The following CPQ variants were observed in gnomAD, a reference collection of about 807,000 sequenced individuals.
CPQ encodes Ser-Met dipeptidase.
CPQ carries 37 observed loss-of-function variants against 45.7 expected under a neutral mutation model. The ratio of observed to expected loss-of-function variants is 0.81; its 90% CI spans 0.62 to 1.07. The LOEUF (loss-of-function observed/expected upper bound fraction) is 1.07. Ranked by LOEUF, CPQ falls within the 50% of genes least tolerant of loss-of-function variation. The pLI, the probability that CPQ is intolerant of heterozygous loss-of-function variation, is 0.00. For missense variants in CPQ, 537 were observed against 572.9 expected (o/e 0.94, Z 0.64); for synonymous variants, 186 against 205.8 (o/e 0.90, Z 0.82).
At chr8:96,724,498 CA>C (rs1809809002) in intron 1 of CPQ, among the ~76,000 whole-genome samples, 2 of 150,366 alleles carry the variant, frequency 1.3e-5, no homozygotes, top group South Asian at 4.2e-4. Context: ...TAGACACACA[CA>C]CACACACACA....
chr8:97,029,443 T>A lies in CPQ; in HGVS notation c.1002T>A (p.Thr334=). Residue 334 remains threonine (T), a synonymous_variant, in exon 6 of 8, where the codon ACT becomes ACA. Coordinates refer to ENST00000220763, the MANE Select transcript of CPQ (RefSeq NM_016134.4). Reference sequence around the variant, plus strand: ...GGACTCTGCGGCTGGTGCTCTGGACTGCAGAAGAACAAGGTGGAGTTGGTG... The same window carrying A: ...GGACTCTGCGGCTGGTGCTCTGGACAGCAGAAGAACAAGGTGGAGTTGGTG... ...PKRTLRLVLW[T]AEEQGGVGAF... The A allele has an allele frequency of 6.2e-7, 1 of 1,609,628 alleles. No individual in the cohort carries two copies. Among genetic ancestry groups the A allele is most frequent in the Non-Finnish European group, 8.5e-7 (1 of 1,177,900 alleles).
chr8:96,880,814 A>G (rs1812214317), intron 4 of CPQ, among the ~76,000 whole-genome samples: 1 of 151,954 alleles, frequency 6.6e-6, no homozygotes, highest in Non-Finnish European at 1.5e-5. Flanking sequence ...TAAAAAAACT[A>G]CCTGTTGGGT....
chr8:97,003,578 A>G lies in CPQ; in HGVS notation c.962-25825A>G, dbSNP rs79204605. On this transcript the variant is annotated intron_variant, in intron 5 of 7. Transcript: ENST00000220763. ...CTAGATTTGCACTGTGAGGTTACCT[A>G]TGCTCCATTTCTCCAGTGGCCTGGT... Among the ~76,000 whole-genome samples the G allele has an allele frequency of 3.5e-3, 531 of 152,294 alleles. 3 individuals are homozygous for G. The highest frequency in any genetic ancestry group is 0.012 in the African/African-American group (514 of 41,562).
intron 1 of CPQ, among the ~76,000 whole-genome samples, chr8:96,689,334 GC>G (rs1809275092): frequency 6.6e-6 from 1 of 152,066 alleles, no homozygotes; most frequent in Non-Finnish European, 1.5e-5. Flanking sequence ...CAATTTTCTT[GC>G]CCCCTTGCTG....
At chr8:96,726,099 G>A (rs1809834549) in intron 1 of CPQ, among the ~76,000 whole-genome samples, 1 of 152,142 alleles carries the variant, frequency 6.6e-6, no homozygotes, top group Non-Finnish European at 1.5e-5. Flanking sequence ...AGTGGGTAGA[G>A]AGGCAGGGGG....
At chr8:96,933,813 G>GA (rs918117895) in intron 4 of CPQ, among the ~76,000 whole-genome samples, 5 of 148,886 alleles carry the variant, frequency 3.4e-5, no homozygotes, top group Admixed American at 6.6e-5. Context: ...TGATAGAGAA[G>GA]AAAAAAAAAT....
chr8:96,999,721 T>C (rs1468189054), intron 5 of CPQ, among the ~76,000 whole-genome samples: 1 of 152,064 alleles, frequency 6.6e-6, no homozygotes, highest in Non-Finnish European at 1.5e-5. Context: ...GTCTTTATAA[T>C]AGAATGATTT....
At chr8:96,789,334 CATTT>C (rs1810817055) in intron 2 of CPQ, among the ~76,000 whole-genome samples, 2 of 152,126 alleles carry the variant, frequency 1.3e-5, no homozygotes, top group Non-Finnish European at 2.9e-5. Flanking sequence ...CCTGGTCATT[CATTT>C]GTTTAATCGC....
chr8:96,880,518 C>CATATATATAT (rs200512558), intron 4 of CPQ, among the ~76,000 whole-genome samples: 3 of 97,338 alleles, frequency 3.1e-5, no homozygotes, highest in African/African-American at 8.3e-5. Context: ...AATATATGGT[C>CATATATATAT]ATATATATAT....
intron 4 of CPQ, among the ~76,000 whole-genome samples, chr8:96,932,803 C>G (rs1444656093): frequency 2.0e-5 from 3 of 152,170 alleles, no homozygotes; most frequent in East Asian, 3.9e-4. Flanking sequence ...CATTATCTTT[C>G]CAGCATCTAG....
chr8:96,935,159 G>T (rs138516805), intron 4 of CPQ, among the ~76,000 whole-genome samples: 1 of 152,112 alleles, frequency 6.6e-6, no homozygotes, highest in Non-Finnish European at 1.5e-5. Flanking sequence ...TCTCAGTGTG[G>T]CTTCATTCTC....
chr8:96,698,242 T>A (rs1809412195), intron 1 of CPQ, among the ~76,000 whole-genome samples: 1 of 152,018 alleles, frequency 6.6e-6, no homozygotes, highest in African/African-American at 2.4e-5. Context: ...GAACATATAT[T>A]GGGGAAAGAA....
intron 1 of CPQ, among the ~76,000 whole-genome samples, chr8:96,662,768 G>A (rs572359991): frequency 3.9e-5 from 6 of 152,098 alleles, no homozygotes; most frequent in Non-Finnish European, 7.4e-5. Context: ...CAGGCAGATC[G>A]CTTGAGCCCG....
intron 1 of CPQ, among the ~76,000 whole-genome samples, chr8:96,677,839 T>C (rs1809096183): frequency 6.6e-6 from 1 of 151,958 alleles, no homozygotes; most frequent in South Asian, 2.1e-4. Flanking sequence ...TTTGAGGTGA[T>C]TTTTATATAA....
At chr8:97,066,916 CTTTTTTTTTTTTTT>C (rs752150876) in intron 7 of CPQ, among the ~76,000 whole-genome samples, 4 of 60,398 alleles carry the variant, frequency 6.6e-5, no homozygotes, top group African/African-American at 1.7e-4. Context: ...CTGGAACAGT[CTTTTTTTTTTTTTT>C]TTTTTTTTTT....
chr8:97,121,937 G>A (rs929871975), intron 7 of CPQ, among the ~76,000 whole-genome samples: 3 of 152,082 alleles, frequency 2.0e-5, no homozygotes, highest in Admixed American at 1.3e-4. Context: ...AAAAGATAGT[G>A]ATAGAAGCAA....
chr8:96,838,632 C>G (rs1357068115), intron 3 of CPQ, among the ~76,000 whole-genome samples: 2 of 151,924 alleles, frequency 1.3e-5, no homozygotes, highest in African/African-American at 2.4e-5. Context: ...ACACTAGACT[C>G]TAAGTTCCAG....
At chr8:97,103,677 A>G (rs570207313) in intron 7 of CPQ, among the ~76,000 whole-genome samples, 18 of 152,326 alleles carry the variant, frequency 1.2e-4, no homozygotes, top group Non-Finnish European at 1.9e-4. Context: ...TATCTGAAAG[A>G]TGATCCCAGG....
intron 1 of CPQ, among the ~76,000 whole-genome samples, chr8:96,684,690 A>T (rs1441383303): frequency 6.6e-6 from 1 of 152,080 alleles, no homozygotes. Context: ...GTTGATTTCC[A>T]GGTTCTTGGA....
Sources: allele counts gnomAD v4.1 joint callset (sites outside exome capture counted in the v4.1 genomes callset), GRCh38; gene constraint gnomAD v4.1.1; transcripts MANE v1.5; gene names NCBI Gene and HGNC (gene_info 2026-07-23, HGNC 2026-07-21).